Variants in MACROD2 observed in about 807,000 individuals in gnomAD.
MACROD2 encodes mono-ADP ribosylhydrolase 2, also known as ADP-ribose glycohydrolase MACROD2.
MACROD2 carries 36 observed loss-of-function variants against 70.4 expected under a neutral mutation model. The observed-to-expected ratio is 0.51, with a 90% CI of 0.39 to 0.68. MACROD2 has a LOEUF of 0.68. Ranked by LOEUF, MACROD2 falls within the 30% of genes least tolerant of loss-of-function variation. MACROD2 has a pLI of 0.00. For missense variants in MACROD2, 496 were observed against 538.4 expected, an observed-to-expected ratio of 0.92 and a Z score of 0.78; for synonymous variants, 172 against 178.8, an observed-to-expected ratio of 0.96 and a Z score of 0.30.
chr20:15,327,023 G>A (rs764974016), intron 6 of MACROD2, among the ~76,000 whole-genome samples: 3 of 152,104 alleles, frequency 2.0e-5, no homozygotes, highest in Admixed American at 6.6e-5. Flanking sequence ...TAAGAGAAAT[G>A]TGTATGAATT....
At chr20:14,842,159 A>G (rs2073094481) in intron 5 of MACROD2, among the ~76,000 whole-genome samples, 1 of 152,036 alleles carries the variant, frequency 6.6e-6, no homozygotes, top group Non-Finnish European at 1.5e-5. Flanking sequence ...ACCGTTCTCT[A>G]GAGAGAGGAA....
At chr20:14,034,164 C>T (rs371257671) in intron 2 of MACROD2, among the ~76,000 whole-genome samples, 19 of 152,106 alleles carry the variant, frequency 1.2e-4, no homozygotes, top group South Asian at 6.2e-4. Context: ...TTAGTAGAGA[C>T]GGGGTTTCAC....
chr20:15,260,902 G>T (rs2077243743), intron 6 of MACROD2, among the ~76,000 whole-genome samples: 1 of 151,980 alleles, frequency 6.6e-6, no homozygotes, highest in Non-Finnish European at 1.5e-5. Context: ...ATTAAGAAAT[G>T]TTTATTAATT....
chr20:14,074,300 C>G (rs1231330075), intron 2 of MACROD2, among the ~76,000 whole-genome samples: 1 of 152,114 alleles, frequency 6.6e-6, no homozygotes, highest in Non-Finnish European at 1.5e-5. Flanking sequence ...GCTCTAGTTC[C>G]TTTAACAGTT....
intron 3 of MACROD2, among the ~76,000 whole-genome samples, chr20:14,407,608 G>A (rs745991589): frequency 1.3e-5 from 2 of 152,048 alleles, no homozygotes; most frequent in Admixed American, 1.3e-4. Context: ...TGTTAAGGAC[G>A]CTCTCAAAAT....
intron 5 of MACROD2, among the ~76,000 whole-genome samples, chr20:15,092,172 G>T (rs901315432): frequency 6.6e-6 from 1 of 151,908 alleles, no homozygotes; most frequent in African/African-American, 2.4e-5. Flanking sequence ...ACCAATTGTG[G>T]CCATTTAAAT....
At chr20:15,190,517 C>T (rs1055234145) in intron 5 of MACROD2, among the ~76,000 whole-genome samples, 1 of 152,156 alleles carries the variant, frequency 6.6e-6, no homozygotes, top group Admixed American at 6.5e-5. Flanking sequence ...TCTTTGAGTT[C>T]CTCTGAAATC....
intron 8 of MACROD2, among the ~76,000 whole-genome samples, chr20:15,610,214 G>C (rs1384788296): frequency 6.6e-6 from 1 of 152,170 alleles, no homozygotes; most frequent in Non-Finnish European, 1.5e-5. Context: ...CACAACCGTT[G>C]CCACTTTATC....
At chr20:14,663,014 T>G (rs1327892347) in intron 4 of MACROD2, among the ~76,000 whole-genome samples, 1 of 152,072 alleles carries the variant, frequency 6.6e-6, no homozygotes. Context: ...ATCATTCTTT[T>G]ATGAAGACAC....
chr20:14,012,489 A>G (rs1319581135), intron 2 of MACROD2, among the ~76,000 whole-genome samples: 1 of 152,172 alleles, frequency 6.6e-6, no homozygotes, highest in Non-Finnish European at 1.5e-5. Context: ...AGCTGTAGTG[A>G]TGCAAATTTT....
intron 6 of MACROD2, among the ~76,000 whole-genome samples, chr20:15,232,903 G>A (rs563838655): frequency 6.6e-6 from 1 of 151,936 alleles, no homozygotes; most frequent in South Asian, 2.1e-4. Flanking sequence ...TATTTTTAAT[G>A]GATGTAAGAC....
At chr20:15,768,906 G>A (rs905345926) in intron 8 of MACROD2, among the ~76,000 whole-genome samples, 17 of 152,080 alleles carry the variant, frequency 1.1e-4, no homozygotes, top group African/African-American at 3.1e-4. Context: ...CAGGATCATC[G>A]ATGTCACTAT....
At chr20:15,176,177 A>G (rs1431648648) in intron 5 of MACROD2, among the ~76,000 whole-genome samples, 1 of 152,178 alleles carries the variant, frequency 6.6e-6, no homozygotes, top group Non-Finnish European at 1.5e-5. Context: ...GAGGGAAGCA[A>G]AGGAGGGGCT....
At chr20:15,167,578 C>G (rs2076394262) in intron 5 of MACROD2, among the ~76,000 whole-genome samples, 1 of 152,114 alleles carries the variant, frequency 6.6e-6, no homozygotes, top group South Asian at 2.1e-4. Flanking sequence ...CAGAGGCCTC[C>G]CCTGCTCTCA....
At chr20:15,261,950 G>C (rs2077253064) in intron 6 of MACROD2, among the ~76,000 whole-genome samples, 1 of 151,694 alleles carries the variant, frequency 6.6e-6, no homozygotes, top group Non-Finnish European at 1.5e-5. Flanking sequence ...TTTTTAGAAA[G>C]TACATGAGAT....
At chr20:14,782,644 A>G (rs2072316362) in intron 5 of MACROD2, among the ~76,000 whole-genome samples, 1 of 152,054 alleles carries the variant, frequency 6.6e-6, no homozygotes, top group Non-Finnish European at 1.5e-5. Context: ...ACAACTGTAA[A>G]GTGTATCCCA....
Position 15,737,260 on chromosome 20 carries a change from A to G in MACROD2, c.646-125485A>G, listed in dbSNP as rs116105286. Among the ~76,000 whole-genome samples the G allele has an allele frequency of 3.3e-3, 507 of 152,348 alleles. 3 individuals are homozygous for G. Among genetic ancestry groups the G allele is most frequent in the African/African-American group, 0.012 (484 of 41,580 alleles). On this transcript the variant is annotated intron_variant, in intron 8 of 17. Coordinates refer to ENST00000684519, the MANE Select transcript of MACROD2 (RefSeq NM_001351661.2). The stretch of plus-strand genomic sequence containing the variant: ...GGCATCCAAGTGGAAAGCTCTAAAC[A>G]CTAGTTGGCATGTGAGGGGAGAAAC...
intron 3 of MACROD2, among the ~76,000 whole-genome samples, chr20:14,184,656 C>A (rs1158671199): frequency 6.6e-6 from 1 of 152,018 alleles, no homozygotes; most frequent in East Asian, 1.9e-4. Flanking sequence ...TTCTTCCTAT[C>A]CATGAGCATG....
intron 8 of MACROD2, among the ~76,000 whole-genome samples, chr20:15,728,625 G>A (rs1311897393): frequency 6.6e-6 from 1 of 152,052 alleles, no homozygotes; most frequent in Non-Finnish European, 1.5e-5. Context: ...GTTCCATCTT[G>A]GGAGGTTGTA....
Sources: gnomAD v4.1 joint callset for allele counts (sites outside exome capture counted in the v4.1 genomes callset) on GRCh38, gnomAD v4.1.1 for gene constraint, MANE v1.5 for transcripts, NCBI Gene and HGNC (gene_info 2026-07-23, HGNC 2026-07-21) for gene names.